The following KSR2 variants were observed in gnomAD, a reference collection of about 807,000 sequenced individuals.
KSR2 encodes the protein kinase suppressor of ras 2.
Under a neutral mutation model 107.8 loss-of-function variants are expected in KSR2, and 25 were observed. The observed-to-expected ratio is 0.23, with a 90% CI of 0.17 to 0.32. The LOEUF (loss-of-function observed/expected upper bound fraction) is 0.32, where lower values mean the gene tolerates loss of function less well. KSR2 is among the 10% of genes least tolerant of loss of function. The pLI is 1.00. For missense variants in KSR2, 887 were observed against 1,268.9 expected (o/e 0.70, Z 4.57); for synonymous variants, 480 against 507.0 (o/e 0.95, Z 0.71).
chr12:117,469,940 T>G, intron 18 of KSR2, 145 bp from the exon 19 acceptor site: 2 of 746,684 alleles, frequency 2.7e-6, no homozygotes, highest in South Asian at 3.4e-5. Flanking sequence ...CATCCATCCA[T>G]CCACCCATCC....
intron 14 of KSR2, among the ~76,000 whole-genome samples, chr12:117,516,363 C>T (rs1467302258): frequency 6.6e-6 from 1 of 152,156 alleles, no homozygotes; most frequent in South Asian, 2.1e-4. Context: ...GCCAGGAGCA[C>T]AGCTGGGACA....
intron 5 of KSR2, among the ~76,000 whole-genome samples, chr12:117,667,088 A>G (rs1237641924): frequency 6.6e-6 from 1 of 152,242 alleles, no homozygotes. Flanking sequence ...CACAGCAGCC[A>G]AGAAAAATCC....
At chr12:117,531,752 C>T in intron 10 of KSR2, 45 bp from the exon 11 acceptor site, 1 of 1,518,836 alleles carries the variant, frequency 6.6e-7, no homozygotes, top group Non-Finnish European at 9.0e-7. Context: ...CCCAGGGAGA[C>T]ATCGCTTCAG....
At chr12:117,630,077 T>C (rs1274871024) in intron 5 of KSR2, among the ~76,000 whole-genome samples, 17 of 152,172 alleles carry the variant, frequency 1.1e-4, no homozygotes, top group Admixed American at 6.5e-5. Context: ...CAAGTGGCTT[T>C]GGATTCCTTC....
intron 3 of KSR2, among the ~76,000 whole-genome samples, chr12:117,839,906 C>T (rs1566042436): frequency 6.6e-6 from 1 of 152,174 alleles, no homozygotes; most frequent in Admixed American, 6.5e-5. Context: ...AAACAGGGTT[C>T]GAGGAGGATT....
At chr12:117,704,002 A>G (rs1886424549) in intron 4 of KSR2, among the ~76,000 whole-genome samples, 1 of 152,200 alleles carries the variant, frequency 6.6e-6, no homozygotes, top group Non-Finnish European at 1.5e-5. Context: ...TCTGGGTAAG[A>G]GCTTAGCCTT....
chr12:117,789,698 A>C (rs906744797), intron 3 of KSR2, among the ~76,000 whole-genome samples: 4 of 152,068 alleles, frequency 2.6e-5, no homozygotes, highest in Non-Finnish European at 5.9e-5. Flanking sequence ...ATTGGTCAAA[A>C]CGTAATGCTT....
At chr12:117,733,955 G>A (rs1383077941) in intron 4 of KSR2, among the ~76,000 whole-genome samples, 1 of 152,150 alleles carries the variant, frequency 6.6e-6, no homozygotes, top group Non-Finnish European at 1.5e-5. Context: ...TCACTAAATA[G>A]AGTTCAACTA....
chr12:117,756,631 T>C (rs975139354), intron 4 of KSR2, among the ~76,000 whole-genome samples: 3 of 152,224 alleles, frequency 2.0e-5, no homozygotes, highest in African/African-American at 7.2e-5. Flanking sequence ...TGCTAATACA[T>C]CCATTCTGCA....
intron 3 of KSR2, among the ~76,000 whole-genome samples, chr12:117,848,836 T>TGGTGGTG (rs1593301730): frequency 1.1e-5 from 1 of 87,662 alleles, no homozygotes; most frequent in East Asian, 2.2e-4. Context: ...ATGGTGGTAG[T>TGGTGGTG]GGTGGTGATG....
intron 4 of KSR2, among the ~76,000 whole-genome samples, chr12:117,681,418 A>T (rs1270542316): frequency 6.6e-6 from 1 of 152,196 alleles, no homozygotes; most frequent in East Asian, 1.9e-4. Flanking sequence ...GATTTGAAAG[A>T]TTTGAAGGAA....
intron 1 of KSR2, among the ~76,000 whole-genome samples, chr12:117,950,341 A>G (rs1162746496): frequency 6.6e-6 from 1 of 152,170 alleles, no homozygotes; most frequent in Non-Finnish European, 1.5e-5. Context: ...TGGATAGATG[A>G]ACAGACATGT....
rs986672072 is a variant in KSR2, at chr12:117,907,461, G to C, written c.181-47030C>G. Among the ~76,000 whole-genome samples the C allele has an allele frequency of 6.6e-6, 1 of 152,164 alleles. No individual in the cohort carries two copies. The highest frequency in any genetic ancestry group is 2.4e-5 in the African/African-American group (1 of 41,442). ...GGTGAGATCTGGTTTCTAGGTGAAG[G>C]CACAACAGCTGCACCCCTCTCCCAA... is the stretch of plus-strand genomic sequence containing the variant. On this transcript the variant is annotated intron_variant, in intron 1 of 19. Transcript: ENST00000339824. This position sits in a 1 kb window ranked among gnomAD's most constrained non-coding sequence, Gnocchi z 4.3.
intron 16 of KSR2, 116 bp downstream of exon 16, chr12:117,484,300 C>A: frequency 8.3e-7 from 1 of 1,204,888 alleles, no homozygotes; most frequent in Non-Finnish European, 1.2e-6. Context: ...CCCCACTCAG[C>A]TCAGCAACCT....
intron 4 of KSR2, among the ~76,000 whole-genome samples, chr12:117,694,032 A>C (rs1279996953): frequency 1.3e-5 from 2 of 152,354 alleles, no homozygotes; most frequent in African/African-American, 4.8e-5. Context: ...TGAAAGGGTT[A>C]ACCAAAGGAC....
chr12:117,674,293 G>A (rs370640411), intron 4 of KSR2: 19 of 509,398 alleles, frequency 3.7e-5, no homozygotes, highest in African/African-American at 1.9e-4. Flanking sequence ...CTGGGCTGCC[G>A]CTGCCTCCTC....
intron 5 of KSR2, among the ~76,000 whole-genome samples, chr12:117,582,878 A>G (rs1325060309): frequency 6.6e-6 from 1 of 152,228 alleles, no homozygotes; most frequent in Non-Finnish European, 1.5e-5. Context: ...TCCCAGTGCC[A>G]GCCATGCAAG....
chr12:117,744,636 T>C (rs7315285), intron 4 of KSR2, among the ~76,000 whole-genome samples: 136,391 of 152,252 alleles, frequency 0.9, 61,396 homozygotes, highest in African/African-American at 0.97. Flanking sequence ...CACTGACAGC[T>C]GCCCTGCATG....
Position 117,968,953 on chromosome 12 carries a change from T to C in KSR2, c.-698A>G. 1 of 196,442 alleles carries C rather than the reference T, an allele frequency of 5.1e-6. No homozygotes were observed. Among genetic ancestry groups the C allele is most frequent in the Non-Finnish European group, 1.1e-5 (1 of 94,400 alleles). 12.2% of individuals were successfully genotyped at this position (196,442 alleles called of 1,614,324 possible). A position where few individuals can be genotyped will look rare whatever the true frequency, so the allele number is the denominator to read the frequency against. On this transcript the variant is annotated 5_prime_UTR_variant, in exon 1 of 20. Transcript: ENST00000339824. ...CGGGGGTGACGGTTGCTGCAATCGC[T>C]CCTGCCTCGCTCCACACCGACATCT... is the stretch of plus-strand genomic sequence containing the variant.
Sources: gnomAD v4.1 joint callset for allele counts (sites outside exome capture counted in the v4.1 genomes callset) on GRCh38, gnomAD v4.1.1 for gene constraint, Gnocchi (gnomAD v3.1) non-coding constraint, MANE v1.5 for transcripts, NCBI Gene and HGNC (gene_info 2026-07-23, HGNC 2026-07-21) for gene names.